The following PPA2 variants were observed in gnomAD, a reference collection of about 807,000 sequenced individuals.
PPA2 encodes inorganic pyrophosphatase 2, also known as inorganic pyrophosphatase 2, mitochondrial.
A neutral mutation model predicts 49.5 loss-of-function variants in PPA2; 48 were observed. The ratio of observed to expected loss-of-function variants is 0.97; its 90% confidence interval spans 0.77 to 1.23. The LOEUF (loss-of-function observed/expected upper bound fraction) is 1.23, where lower values mean the gene tolerates loss of function less well. PPA2 is among the 50% of genes most tolerant of loss of function. PPA2 has a pLI of 0.00. For synonymous variants in PPA2, 131 were observed against 139.9 expected (o/e 0.94, Z 0.45); for missense variants, 429 against 410.1 (o/e 1.05, Z -0.40).
intron 2 of PPA2, chr4:105,456,369 C>T: frequency 2.3e-6 from 1 of 433,044 alleles, no homozygotes; most frequent in Non-Finnish European, 4.5e-6. Flanking sequence ...AAAAATAATC[C>T]ACAAACGTTA....
chr4:105,433,287 T>G (rs896538542), intron 6 of PPA2, among the ~76,000 whole-genome samples: 1 of 152,186 alleles, frequency 6.6e-6, no homozygotes, highest in Non-Finnish European at 1.5e-5. Flanking sequence ...AACCATTGTT[T>G]ACAGCATTCT....
chr4:105,427,302 T>C (rs995774645), intron 6 of PPA2, among the ~76,000 whole-genome samples: 2 of 152,092 alleles, frequency 1.3e-5, no homozygotes, highest in African/African-American at 4.8e-5. Flanking sequence ...CCTCAAAGGA[T>C]TGCAGCTCCT....
intron 6 of PPA2, among the ~76,000 whole-genome samples, chr4:105,433,693 G>A (rs1439447258): frequency 6.6e-6 from 1 of 152,198 alleles, no homozygotes; most frequent in Non-Finnish European, 1.5e-5. Context: ...CTGAAATACT[G>A]TCTGTTCCTT....
intron 10 of PPA2, among the ~76,000 whole-genome samples, chr4:105,376,430 T>G (rs1733254573): frequency 6.6e-6 from 1 of 152,176 alleles, no homozygotes; most frequent in African/African-American, 2.4e-5. Flanking sequence ...CTTTTTTACT[T>G]CAAAACACCA....
intron 10 of PPA2, among the ~76,000 whole-genome samples, chr4:105,376,114 C>T (rs1051443133): frequency 2.0e-5 from 3 of 152,118 alleles, no homozygotes; most frequent in Non-Finnish European, 4.4e-5. Context: ...AGTCCTTCAC[C>T]CGGATTCATC....
At chr4:105,391,460 A>G (rs1180109620) in intron 9 of PPA2, among the ~76,000 whole-genome samples, 1 of 152,010 alleles carries the variant, frequency 6.6e-6, no homozygotes, top group Non-Finnish European at 1.5e-5. Context: ...TTATTTATTT[A>G]TTCAGTAAGC....
chr4:105,413,962 A>C (rs1353331597), intron 7 of PPA2, among the ~76,000 whole-genome samples: 1 of 152,208 alleles, frequency 6.6e-6, no homozygotes, highest in Non-Finnish European at 1.5e-5. Context: ...CTGCAACCTA[A>C]ATAATAAAGG....
At chr4:105,446,359 T>G (rs1722385012) in intron 5 of PPA2, 24 bp downstream of exon 5, 1 of 1,536,972 alleles carries the variant, frequency 6.5e-7, no homozygotes, top group South Asian at 1.3e-5. Context: ...CAGGAACATT[T>G]TACCATTGTA....
intron 7 of PPA2, among the ~76,000 whole-genome samples, chr4:105,421,398 C>T (rs78819387): frequency 0.037 from 5,598 of 152,064 alleles, 147 homozygotes; most frequent in Non-Finnish European, 0.052. Flanking sequence ...ATTTTATGTA[C>T]TTTTTTTATA....
intron 5 of PPA2, among the ~76,000 whole-genome samples, chr4:105,443,480 C>T (rs180769750): frequency 6.6e-6 from 1 of 151,220 alleles, no homozygotes; most frequent in African/African-American, 2.4e-5. Context: ...TAGAGCTATT[C>T]CATAAGCTAT....
intron 10 of PPA2, among the ~76,000 whole-genome samples, chr4:105,386,364 C>T (rs1024703766): frequency 7.2e-5 from 11 of 152,096 alleles, no homozygotes; most frequent in African/African-American, 2.2e-4. Flanking sequence ...CTTTCAAATA[C>T]AAAATTTAAA....
intron 7 of PPA2, among the ~76,000 whole-genome samples, chr4:105,401,440 GATAAA>G (rs148162947): frequency 0.02 from 3,097 of 151,956 alleles, 46 homozygotes; most frequent in Middle Eastern, 0.058. Flanking sequence ...CTTTTATTGT[GATAAA>G]ATATCCATAA....
At chr4:105,393,363 G>A (rs1035307083) in intron 9 of PPA2, among the ~76,000 whole-genome samples, 1 of 151,358 alleles carries the variant, frequency 6.6e-6, no homozygotes, top group Non-Finnish European at 1.5e-5. Flanking sequence ...GTGTGGTGGT[G>A]CATGCCTGTA....
At chr4:105,382,296 T>C (rs1733520756) in intron 10 of PPA2, among the ~76,000 whole-genome samples, 1 of 152,186 alleles carries the variant, frequency 6.6e-6, no homozygotes, top group Admixed American at 6.5e-5. Flanking sequence ...TGTGGCCTAA[T>C]ATCTACTCAA....
chr4:105,452,427 T>C (rs1410886542), intron 3 of PPA2, among the ~76,000 whole-genome samples: 1 of 152,176 alleles, frequency 6.6e-6, no homozygotes, highest in Non-Finnish European at 1.5e-5. Context: ...CCTAGAATAC[T>C]TGTGAAATAC....
intron 5 of PPA2, among the ~76,000 whole-genome samples, chr4:105,445,911 T>A (rs569501758): frequency 6.7e-6 from 1 of 148,564 alleles, no homozygotes; most frequent in South Asian, 2.1e-4. Context: ...AATTATTAAC[T>A]CATAACAGTA....
In PPA2 at chr4:105,440,777, T is replaced by C. The variant is rs115843325; in HGVS notation, c.442-2741A>G. ...AGTTGTGGTGACTATTTCTGTTGGT[T>C]GGTTGGTCCTCAGAACTCCAATTTC... On this transcript the variant is annotated intron_variant, in intron 5 of 11. Transcript: ENST00000341695. Among the ~76,000 whole-genome samples the C allele has an allele frequency of 9.1e-3, 1,390 of 152,260 alleles. 18 individuals carry two copies. Among genetic ancestry groups the C allele is most frequent in the African/African-American group, 0.032 (1,312 of 41,542 alleles).
In PPA2 at chr4:105,369,697, C is replaced by T. The variant is rs1373272337; in HGVS notation, c.*28G>A. On this transcript the variant is annotated 3_prime_UTR_variant, in exon 12 of 12. Transcript: ENST00000341695. ...ACTTGGAGTCCTTAGAGATGGGAATCTTGACAGCAGAATTTCAGATGTTTC... is the reference window on the plus strand; with the variant it reads ...ACTTGGAGTCCTTAGAGATGGGAATTTTGACAGCAGAATTTCAGATGTTTC... The T allele has an allele frequency of 1.3e-6, 2 of 1,563,304 alleles. No homozygotes were observed. The highest frequency in any genetic ancestry group is 1.7e-5 in the Admixed American group (1 of 59,926).
intron 6 of PPA2, among the ~76,000 whole-genome samples, chr4:105,437,695 G>C (rs1175721200): frequency 6.6e-6 from 1 of 152,196 alleles, no homozygotes; most frequent in Non-Finnish European, 1.5e-5. Flanking sequence ...AGCAGTCATA[G>C]ACAGTATGTA....
Sources: allele counts gnomAD v4.1 joint callset (sites outside exome capture counted in the v4.1 genomes callset), GRCh38; gene constraint gnomAD v4.1.1; transcripts MANE v1.5; gene names NCBI Gene and HGNC (gene_info 2026-07-23, HGNC 2026-07-21).